Variants in PNN observed in about 807,000 individuals in gnomAD.
PNN encodes the protein pinin, desmosome associated protein, also known as pinin.
PNN carries 38 observed loss-of-function variants against 76.6 expected under a neutral mutation model. The ratio of observed to expected loss-of-function variants is 0.50; its 90% confidence interval spans 0.38 to 0.65. PNN has a LOEUF of 0.65. Ranked by LOEUF, PNN falls within the 30% of genes least tolerant of loss-of-function variation. The probability of loss-of-function intolerance (pLI) is 0.00; values close to 1 mark genes in which losing one functional copy is unlikely to be tolerated. For missense variants in PNN, 873 were observed against 874.1 expected, an observed-to-expected ratio of 1.00 and a Z score of 0.02; for synonymous variants, 366 against 283.7, an observed-to-expected ratio of 1.29 and a Z score of -2.91.
rs765254991 is a variant in PNN, at chr14:39,176,065, A to T, written c.114-13A>T. On this transcript the variant is annotated splice_polypyrimidine_tract_variant and intron_variant, in intron 1 of 8. Transcript: ENST00000216832. ...TACATATGATTTTGCACTGATTTGTAAATCTTTTACAGGCCCATCCAAGCC... is the reference window on the plus strand; with the variant it reads ...TACATATGATTTTGCACTGATTTGTTAATCTTTTACAGGCCCATCCAAGCC... 49 of 1,543,556 alleles carry T rather than the reference A, an allele frequency of 3.2e-5. No individual in the cohort carries two copies. The highest frequency in any genetic ancestry group is 4.2e-5 in the Non-Finnish European group (47 of 1,116,168).
intron 6 of PNN, among the ~76,000 whole-genome samples, chr14:39,178,258 G>T (rs2053243979): frequency 6.6e-6 from 1 of 152,206 alleles, no homozygotes; most frequent in Non-Finnish European, 1.5e-5. Context: ...GCCAGGTGCA[G>T]TGGCTCATGC....
In PNN at chr14:39,179,313, C is replaced by T. The variant is rs199658462; in HGVS notation, c.655-11C>T. 1.2e-5 allele frequency: 19 copies of T among 1,608,910 alleles called. No homozygotes were observed. In the East Asian group the frequency reaches 2.9e-4, roughly 25 times the overall value. Reference sequence around the variant, plus strand: ...GTTTACAAAAGCACTGACCCTTTACCTTTTCTTTAGCAAGAAGAATGGAAT... The same window carrying T: ...GTTTACAAAAGCACTGACCCTTTACTTTTTCTTTAGCAAGAAGAATGGAAT... On this transcript the variant is annotated splice_polypyrimidine_tract_variant and intron_variant, in intron 7 of 8. Transcript: ENST00000216832.
At chr14:39,175,759 G>C (rs911535475) in intron 1 of PNN, 8 of 469,744 alleles carry the variant, frequency 1.7e-5, no homozygotes, top group Admixed American at 1.2e-4. Context: ...ACCCTGCCGG[G>C]ACGCAACAAG....
rs995659080 is a variant in PNN at position 39,180,486 on chromosome 14, A to G, written c.794-17A>G. The G allele has an allele frequency of 2.6e-6, 4 of 1,527,188 alleles. No individual in the cohort carries two copies. The highest frequency in any genetic ancestry group is 3.5e-6 in the Non-Finnish European group (4 of 1,140,428). The allele number at this position is 1,527,188 out of a possible 1,614,324, so 94.6% of individuals were successfully genotyped here. Reference sequence around the variant, plus strand: ...CTTAATCGGTAAATTTTACACATGTAAATTTTTATTCTTTAGCTTTATTTG... The same window carrying G: ...CTTAATCGGTAAATTTTACACATGTGAATTTTTATTCTTTAGCTTTATTTG... On this transcript the variant is annotated splice_polypyrimidine_tract_variant and intron_variant, in intron 8 of 8. Transcript: ENST00000216832.
Position 39,181,906 on chromosome 14 carries a change from A to G in PNN, c.*43A>G. 7 of 1,513,230 alleles carry G rather than the reference A, an allele frequency of 4.6e-6. No individual in the cohort carries two copies. The highest frequency in any genetic ancestry group is 6.1e-6 in the Non-Finnish European group (7 of 1,138,948). The allele number at this position is 1,513,230 out of a possible 1,614,324, so 93.7% of individuals were successfully genotyped here. ...TCTTAGCCATTCTTTGCAGCAGAAG[A>G]TTTCTTGATAAAAAAGGATTACCTT... On this transcript the variant is annotated 3_prime_UTR_variant, in exon 9 of 9. Transcript: ENST00000216832.
intron 3 of PNN, 104 bp from the exon 4 acceptor site, chr14:39,177,308 C>T (rs2053234806): frequency 2.4e-6 from 2 of 837,398 alleles, no homozygotes; most frequent in South Asian, 3.2e-5. Context: ...ATCACTTGAG[C>T]CTGGGAGGTC....
intron 6 of PNN, among the ~76,000 whole-genome samples, chr14:39,178,519 A>G (rs993385610): frequency 6.6e-6 from 1 of 152,118 alleles, no homozygotes; most frequent in African/African-American, 2.4e-5. Flanking sequence ...CAACAGGCGC[A>G]AAACTCCATC....
chr14:39,179,267 C>T (rs1178225371), intron 7 of PNN, 21 bp downstream of exon 7: 1 of 1,609,632 alleles, frequency 6.2e-7, no homozygotes, highest in Non-Finnish European at 8.5e-7. Context: ...ATTTGGAATT[C>T]TAAGATTGGT....
At chr14:39,178,056 C>G in intron 6 of PNN, 140 bp downstream of exon 6, 1 of 659,752 alleles carries the variant, frequency 1.5e-6, no homozygotes, top group South Asian at 1.8e-5. Context: ...CTTGGTTTAA[C>G]TTCTTATAGA....
chr14:39,180,512 A>T lies in PNN; in HGVS notation c.803A>T (p.Glu268Val). 1 of 1,574,918 alleles carries T rather than the reference A, an allele frequency of 6.3e-7. No individual in the cohort carries two copies. The highest frequency in any genetic ancestry group is 8.6e-7 in the Non-Finnish European group (1 of 1,164,382). The change falls in exon 9 of 9, where the codon GAA becomes GTA. Residue 268 changes from glutamate to valine, a missense_variant. Coordinates refer to ENST00000216832, the MANE Select transcript of PNN (RefSeq NM_002687.4). ...AATTTTTATTCTTTAGCTTTATTTG[A>T]AGGTAGACGCATCGAATTTGCAGAA... ...ESQRKMNALF[E>V]GRRIEFAEQI...
rs2053209654 is a variant in PNN, at chr14:39,175,257, C to T, written c.-23C>T. 2.0e-6 allele frequency: 3 copies of T among 1,498,664 alleles called. No homozygotes were observed. The highest frequency in any genetic ancestry group is 2.3e-5 in the South Asian group (2 of 87,322). The allele number at this position is 1,498,664 out of a possible 1,614,324, so 92.8% of individuals were successfully genotyped here. A position where few individuals can be genotyped will look rare whatever the true frequency, so the allele number is the denominator to read the frequency against. ...AGCCCGGCTCGGCCTGTAAAGCAGT[C>T]TCAAGCCTGCCGCAGGGAGAAGATG... is the stretch of plus-strand genomic sequence containing the variant. On this transcript the variant is annotated 5_prime_UTR_variant, in exon 1 of 9. Coordinates refer to ENST00000216832, the MANE Select transcript of PNN (RefSeq NM_002687.4).
Position 39,179,215 on chromosome 14 carries a change from T to A in PNN, c.623T>A (p.Leu208His). Residue 208 changes from leucine (L) to histidine (H), a missense_variant, in exon 7 of 9, where the codon CTT becomes CAT. Physicochemically the swap from Leu to His is moderately conservative, Grantham distance 99 (BLOSUM62 -3). Transcript: ENST00000216832. ...ERRAKQTELR[L>H]LEQKVELAQL... ...CGTGCTAAACAGACAGAACTGCGGC[T>A]TTTGGAACAGAAAGTTGAGCTTGCG... 6.2e-7 allele frequency: 1 copy of A among 1,612,582 alleles called. No homozygotes were observed. The highest frequency in any genetic ancestry group is 8.5e-7 in the Non-Finnish European group (1 of 1,179,664).
At chr14:39,179,940 G>A (rs1285835118) in intron 8 of PNN, among the ~76,000 whole-genome samples, 1 of 151,964 alleles carries the variant, frequency 6.6e-6, no homozygotes, top group African/African-American at 2.4e-5. Flanking sequence ...ATGCTGGTGA[G>A]TTTGTAGTAT....
In PNN at chr14:39,179,162, TGAAAG is replaced by T; in HGVS notation, c.573_577del (p.Arg193ThrfsTer3). The stretch of plus-strand genomic sequence containing the variant: ...AAGAAGAGAGAAAGCAGGTTGAAAA[TGAAAG>T]GAGAGAACTGTTTGAAGAGAGGCGT... On this transcript the variant is annotated frameshift_variant, in exon 7 of 9. Coordinates refer to ENST00000216832, the MANE Select transcript of PNN (RefSeq NM_002687.4). LOFTEE classifies it high-confidence loss of function. 6.2e-7 allele frequency: 1 copy of T among 1,613,804 alleles called. No homozygotes were observed. The highest frequency in any genetic ancestry group is 8.5e-7 in the Non-Finnish European group (1 of 1,179,964).
At chr14:39,177,332 A>G in intron 3 of PNN, 80 bp from the exon 4 acceptor site, 1 of 1,136,450 alleles carries the variant, frequency 8.8e-7, no homozygotes, top group Non-Finnish European at 1.3e-6. Flanking sequence ...GCTGCAGTGA[A>G]CCGTGGTGGC....
chr14:39,176,759 A>G (rs1359062626), intron 3 of PNN, among the ~76,000 whole-genome samples, 164 bp downstream of exon 3: 1 of 152,128 alleles, frequency 6.6e-6, no homozygotes, highest in Non-Finnish European at 1.5e-5. Flanking sequence ...ACAGTTGACT[A>G]TCAGTTCCCT....
rs1436065001 is a variant in PNN at position 39,175,333 on chromosome 14, T to G, written c.54T>G (p.Ser18Arg). ...LQEQLEKAKE[S>R]LKNVDENIRK... ...AACAGCTGGAAAAGGCCAAAGAGAG[T>G]CTTAAGAACGTGGATGAGAACATTC... The change falls in exon 1 of 9, where the codon AGT becomes AGG. Residue 18 changes from serine (S) to arginine (R), a missense_variant. Ser to Arg is a moderately radical substitution (Grantham distance 110). This residue lies in a region of PNN where 156 missense variants were observed against 161.7 expected (regional missense o/e 0.96). Coordinates refer to ENST00000216832, the MANE Select transcript of PNN (RefSeq NM_002687.4). The G allele has an allele frequency of 1.2e-6, 2 of 1,609,280 alleles. No individual in the cohort carries two copies. The highest frequency in any genetic ancestry group is 1.3e-5 in the African/African-American group (1 of 74,192).
At chr14:39,175,965 C>T (rs1205145287) in intron 1 of PNN, 113 bp from the exon 2 acceptor site, 19 of 649,216 alleles carry the variant, frequency 2.9e-5, no homozygotes, top group Non-Finnish European at 4.8e-5. Context: ...TTGAAACTAT[C>T]TTTTTGGAAC....
intron 6 of PNN, among the ~76,000 whole-genome samples, chr14:39,178,161 A>G (rs1419491410): frequency 6.6e-6 from 1 of 152,156 alleles, no homozygotes; most frequent in Non-Finnish European, 1.5e-5. Flanking sequence ...AAAAGCCTCA[A>G]GTCTCCATTT....
Sources: allele counts gnomAD v4.1 joint callset (sites outside exome capture counted in the v4.1 genomes callset), GRCh38; gene constraint gnomAD v4.1.1; regional missense constraint gnomAD v4.1.1; transcripts MANE v1.5; gene names NCBI Gene and HGNC (gene_info 2026-07-23, HGNC 2026-07-21).